R3HDM2: variants seen among roughly 807,000 people sequenced by gnomAD.
R3HDM2 encodes R3H domain containing 2, also known as R3H domain-containing protein 2.
R3HDM2 carries 38 observed loss-of-function variants against 124.5 expected under a neutral mutation model. That is an observed-to-expected ratio of 0.31 (90% CI 0.24 to 0.40). R3HDM2 has a LOEUF of 0.40. R3HDM2 is among the 10% of genes least tolerant of loss of function. The pLI is 1.00. For synonymous variants in R3HDM2, 391 were observed against 448.0 expected (o/e 0.87, Z 1.61); for missense variants, 869 against 1,236.9 (o/e 0.70, Z 4.46).
At chr12:57,363,093 A>C (rs917195939) in intron 2 of R3HDM2, among the ~76,000 whole-genome samples, 1 of 152,122 alleles carries the variant, frequency 6.6e-6, no homozygotes, top group South Asian at 2.1e-4. Context: ...AAAGTGCTGG[A>C]ATTACAGGCA....
chr12:57,279,178 C>CCT (rs2045557370), intron 14 of R3HDM2, among the ~76,000 whole-genome samples: 1 of 114,932 alleles, frequency 8.7e-6, no homozygotes, highest in African/African-American at 3.5e-5. Flanking sequence ...ATTAAGGTGA[C>CCT]TTTTTTTTTT....
Position 57,268,216 on chromosome 12 carries a change from C to T in R3HDM2, c.2030+87G>A, listed in dbSNP as rs2042886895. 4.1e-6 allele frequency: 6 copies of T among 1,475,746 alleles called. No homozygotes were observed. The Admixed American group carries it at 9.7e-5, about 24-fold the overall frequency. The allele number at this position is 1,475,746 out of a possible 1,614,324, so 91.4% of individuals were successfully genotyped here. On this transcript the variant is annotated intron_variant, in intron 18 of 23. Coordinates refer to ENST00000402412, the MANE Select transcript of R3HDM2 (RefSeq NM_001394031.1). ...TACTGGGATCTTTACCCCTGCCTTT[C>T]TTAGGCCAGTGGAAACAAAACCATG...
chr12:57,365,719 T>TAA lies in R3HDM2; in HGVS notation c.-36+30028_-36+30029dup, dbSNP rs1593992654. ...GGGAAGCTGAGGCAGATGGATCACC[T>TAA]AAAGTCAGGGGCTCGAGACCAGCCT... On this transcript the variant is annotated intron_variant, in intron 2 of 23. Transcript: ENST00000402412. Among the ~76,000 whole-genome samples the TAA allele has an allele frequency of 2.0e-5, 3 of 152,284 alleles. No individual in the cohort carries two copies. In the East Asian group the frequency reaches 5.8e-4, roughly 29 times the overall value.
chr12:57,269,558 A>G, intron 15 of R3HDM2, 109 bp from the exon 16 acceptor site: 2 of 1,497,682 alleles, frequency 1.3e-6, no homozygotes, highest in Non-Finnish European at 1.8e-6. Context: ...GTAAACGGAG[A>G]TATTTTGGAC....
At chr12:57,305,495 A>G (rs1030859672) in intron 3 of R3HDM2, 4 of 390,630 alleles carry the variant, frequency 1.0e-5, no homozygotes, top group African/African-American at 8.3e-5. Context: ...GGTTGTACCA[A>G]TTTAGACTCT....
chr12:57,348,906 C>T (rs978490637), intron 2 of R3HDM2, among the ~76,000 whole-genome samples: 1 of 151,768 alleles, frequency 6.6e-6, no homozygotes, highest in African/African-American at 2.4e-5. Flanking sequence ...AAAAAAGAAG[C>T]GGAAATCAAG....
chr12:57,379,367 G>T (rs969779319), intron 2 of R3HDM2, among the ~76,000 whole-genome samples: 3 of 152,126 alleles, frequency 2.0e-5, no homozygotes, highest in African/African-American at 7.2e-5. Flanking sequence ...GATCACCTGA[G>T]TTCAGAAGTT....
chr12:57,357,308 A>T (rs2061409421), intron 2 of R3HDM2, among the ~76,000 whole-genome samples: 1 of 151,360 alleles, frequency 6.6e-6, no homozygotes, highest in African/African-American at 2.4e-5. Context: ...CTAAAAATAC[A>T]AAACTTAGCT....
At position 57,326,105 on chromosome 12, in the gene R3HDM2, A is replaced by C. The variant is rs555785421; in HGVS notation, c.-35-15642T>G. On this transcript the variant is annotated intron_variant, in intron 2 of 23. Transcript: ENST00000402412. ...TGTAAGACAGTGAACTTAATCAATA[A>C]ATGTAAATGTTCTGACTCTTCTACC... Among the ~76,000 whole-genome samples the C allele has an allele frequency of 2.0e-5, 3 of 152,286 alleles. No homozygotes were observed. In the East Asian group the frequency reaches 5.8e-4, roughly 29 times the overall value.
At chr12:57,356,448 T>G (rs4760242) in intron 2 of R3HDM2, among the ~76,000 whole-genome samples, 148,237 of 152,304 alleles carry the variant, frequency 0.97, 72,271 homozygotes, top group Middle Eastern at 1. Context: ...CCTACTTGAT[T>G]ATGATGTATT....
chr12:57,311,416 C>A (rs930738327), intron 2 of R3HDM2, among the ~76,000 whole-genome samples: 4 of 151,880 alleles, frequency 2.6e-5, no homozygotes, highest in Non-Finnish European at 5.9e-5. Context: ...TTAGTACAGA[C>A]AGGGTTTCAC....
intron 1 of R3HDM2, chr12:57,415,364 C>T (rs1391582178): frequency 1.3e-5 from 2 of 151,846 alleles, no homozygotes; most frequent in Non-Finnish European, 2.9e-5. Flanking sequence ...GGCCCCTGAC[C>T]AAGGATAACA....
intron 2 of R3HDM2, among the ~76,000 whole-genome samples, chr12:57,389,236 C>T (rs2066320706): frequency 6.6e-6 from 1 of 152,288 alleles, no homozygotes; most frequent in Middle Eastern, 3.4e-3. Flanking sequence ...TGAGTAACCA[C>T]TTGCAAAGCA....
chr12:57,268,784 G>A lies in R3HDM2; in HGVS notation c.1875+138C>T, dbSNP rs2042999121. On this transcript the variant is annotated intron_variant, in intron 17 of 23. Coordinates refer to ENST00000402412, the MANE Select transcript of R3HDM2 (RefSeq NM_001394031.1). ...AAAACTCCATGGGCTTTCCGTTATA[G>A]GAAAAAAACCTAAAAATTCTAGGGG... 9.4e-6 allele frequency: 11 copies of A among 1,164,448 alleles called. 1 individual carries two copies. The highest frequency in any genetic ancestry group is 6.4e-5 in the South Asian group (4 of 62,274). The allele number at this position is 1,164,448 out of a possible 1,614,324, so 72.1% of individuals were successfully genotyped here.
intron 14 of R3HDM2, among the ~76,000 whole-genome samples, chr12:57,274,865 T>C (rs2044326378): frequency 6.6e-6 from 1 of 152,074 alleles, no homozygotes; most frequent in Non-Finnish European, 1.5e-5. Context: ...ATGGGTAGAA[T>C]CAATATTGTA....
chr12:57,325,991 CT>C (rs1276287636), intron 2 of R3HDM2, among the ~76,000 whole-genome samples: 1 of 151,838 alleles, frequency 6.6e-6, no homozygotes, highest in Non-Finnish European at 1.5e-5. Context: ...AAACTTTTTC[CT>C]TATTATTATA....
chr12:57,332,111 A>C (rs1343408008), intron 2 of R3HDM2, among the ~76,000 whole-genome samples: 2 of 151,626 alleles, frequency 1.3e-5, no homozygotes, highest in Non-Finnish European at 2.9e-5. Context: ...TTGCCATATT[A>C]ATAGAATGTA....
chr12:57,367,979 G>A (rs182804804), intron 2 of R3HDM2, among the ~76,000 whole-genome samples: 2 of 150,686 alleles, frequency 1.3e-5, no homozygotes, highest in Admixed American at 1.3e-4. Context: ...AATACCTAAA[G>A]TTTCTCTGGG....
intron 1 of R3HDM2, among the ~76,000 whole-genome samples, 179 bp from the exon 2 acceptor site, chr12:57,395,997 T>C (rs1245269716): frequency 2.0e-5 from 3 of 152,108 alleles, no homozygotes; most frequent in African/African-American, 7.2e-5. Context: ...ATTCCCACTG[T>C]CAATTTACAA....
Sources: allele counts gnomAD v4.1 joint callset (sites outside exome capture counted in the v4.1 genomes callset), GRCh38; gene constraint gnomAD v4.1.1; transcripts MANE v1.5; gene names NCBI Gene and HGNC (gene_info 2026-07-23, HGNC 2026-07-21).